The following SLC30A9 variants were observed in gnomAD, a reference collection of about 807,000 sequenced individuals.
SLC30A9 encodes solute carrier family 30 member 9.
SLC30A9 carries 58 observed loss-of-function variants against 87.5 expected under a neutral mutation model. The ratio of observed to expected loss-of-function variants is 0.66; its 90% CI spans 0.54 to 0.82. The LOEUF (loss-of-function observed/expected upper bound fraction) is 0.82, where lower values mean the gene tolerates loss of function less well. Among genes scored for constraint, SLC30A9 ranks in the 40% least tolerant of loss-of-function variants. SLC30A9 has a pLI of 0.00. For synonymous variants in SLC30A9, 234 were observed against 233.0 expected, an observed-to-expected ratio of 1.00 and a Z score of -0.04; for missense variants, 557 against 679.1, an observed-to-expected ratio of 0.82 and a Z score of 2.00.
Position 42,049,457 on chromosome 4 carries a change from C to G in SLC30A9, c.818C>G (p.Ser273Ter), listed in dbSNP as rs1297083833. The G allele has an allele frequency of 6.3e-7, 1 of 1,593,532 alleles. No individual in the cohort carries two copies. Among genetic ancestry groups the G allele is most frequent in the East Asian group, 2.3e-5 (1 of 44,292 alleles). ...AGTATGTTCTCAGAAGCTATACACT[C>G]ATTATCTGATACTTGTAATCAGGTG... ...SASMFSEAIH[S>*]LSDTCNQGLL... is the part of the protein sequence containing the mutation. Residue 273 changes from serine to a stop codon, truncating the protein, a stop_gained, in exon 9 of 18, where the codon TCA becomes TGA. Coordinates refer to ENST00000264451, the MANE Select transcript of SLC30A9 (RefSeq NM_006345.4). LOFTEE classifies it high-confidence loss of function.
At chr4:42,076,729 C>T (rs145842621) in intron 16 of SLC30A9, among the ~76,000 whole-genome samples, 5,685 of 151,976 alleles carry the variant, frequency 0.037, 138 homozygotes, top group African/African-American at 0.042. Context: ...TTTGGGAGGC[C>T]GAGGTGGGCG....
Position 42,035,333 on chromosome 4 carries a change from G to A in SLC30A9, c.669G>A (p.Lys223=). 1.2e-6 allele frequency: 2 copies of A among 1,602,686 alleles called. No individual in the cohort carries two copies. The highest frequency in any genetic ancestry group is 2.2e-5 in the East Asian group (1 of 44,544). Residue 223 remains lysine, a splice_region_variant and synonymous_variant, in exon 7 of 18, where the codon AAG becomes AAA. Coordinates refer to ENST00000264451, the MANE Select transcript of SLC30A9 (RefSeq NM_006345.4). ...ACAGAGATTTCTTGGGAAATACCAAGGTATGGATATCTTTGTAATAATGTG... is the reference window on the plus strand; with the variant it reads ...ACAGAGATTTCTTGGGAAATACCAAAGTATGGATATCTTTGTAATAATGTG... ...REYRDFLGNT[K]PRSRTASVFF... is the part of the protein sequence containing the mutation.
chr4:42,020,349 C>A (rs929251207), intron 3 of SLC30A9, 67 bp from the exon 4 acceptor site: 6 of 744,990 alleles, frequency 8.1e-6, no homozygotes, highest in African/African-American at 6.9e-5. Flanking sequence ...TAAGTATCAG[C>A]CTATATTCAT....
intron 8 of SLC30A9, among the ~76,000 whole-genome samples, chr4:42,041,597 A>C (rs552630733): frequency 6.6e-6 from 1 of 152,278 alleles, no homozygotes; most frequent in South Asian, 2.1e-4. Flanking sequence ...TTAGCTGGGC[A>C]TGGTGGGTGA....
intron 2 of SLC30A9, among the ~76,000 whole-genome samples, chr4:42,012,941 T>A (rs1363618672): frequency 6.6e-6 from 1 of 152,180 alleles, no homozygotes; most frequent in East Asian, 1.9e-4. Flanking sequence ...AACTTTTTTT[T>A]AATATTAAAT....
intron 4 of SLC30A9, among the ~76,000 whole-genome samples, chr4:42,022,244 C>CTTTTTTTTTTTTTTTTT (rs113214269): frequency 7.8e-6 from 1 of 128,570 alleles, no homozygotes. Context: ...TTATTTTTCA[C>CTTTTTTTTTTTTTTTTT]TTTTTTTTTT....
At chr4:42,051,723 A>C (rs1213098558) in intron 9 of SLC30A9, among the ~76,000 whole-genome samples, 1 of 152,140 alleles carries the variant, frequency 6.6e-6, no homozygotes, top group East Asian at 1.9e-4. Context: ...AAAAAGATTG[A>C]AAAAAATGGA....
chr4:42,046,695 T>C (rs936007909), intron 8 of SLC30A9, among the ~76,000 whole-genome samples: 2 of 152,192 alleles, frequency 1.3e-5, no homozygotes, highest in African/African-American at 4.8e-5. Flanking sequence ...CCCATCAAGC[T>C]ACCATTGACT....
chr4:42,011,014 G>T (rs527447341), intron 2 of SLC30A9, among the ~76,000 whole-genome samples: 1 of 152,310 alleles, frequency 6.6e-6, no homozygotes, highest in Non-Finnish European at 1.5e-5. Context: ...GCTAATTCCA[G>T]TTGCTACCTG....
chr4:42,058,420 A>G (rs1717712783), intron 9 of SLC30A9, among the ~76,000 whole-genome samples: 1 of 152,134 alleles, frequency 6.6e-6, no homozygotes, highest in African/African-American at 2.4e-5. Context: ...AAACTTTCTC[A>G]CATTTTCCTA....
intron 6 of SLC30A9, among the ~76,000 whole-genome samples, chr4:42,032,808 A>G (rs1441575375): frequency 6.6e-6 from 1 of 152,236 alleles, no homozygotes; most frequent in Non-Finnish European, 1.5e-5. Flanking sequence ...TTCAGGAATA[A>G]TATGTTTCAG....
At position 42,022,877 on chromosome 4, in the gene SLC30A9, C is replaced by T. The variant is rs1452574973; in HGVS notation, c.474C>T (p.Pro158=). 1.2e-6 allele frequency: 2 copies of T among 1,601,352 alleles called. No homozygotes were observed. Among genetic ancestry groups the T allele is most frequent in the Non-Finnish European group, 1.7e-6 (2 of 1,172,346 alleles). ...EQLRKIRRRS[P]HEDTESFTVY... ...TTCGAAAAATCAGACGACGAAGTCC[C>T]CATGAAGATACTGAGTCTTTTACTG... Residue 158 remains proline, a synonymous_variant, in exon 5 of 18, where the codon CCC becomes CCT. Coordinates refer to ENST00000264451, the MANE Select transcript of SLC30A9 (RefSeq NM_006345.4).
intron 8 of SLC30A9, among the ~76,000 whole-genome samples, chr4:42,047,312 A>G (rs1717201483): frequency 6.6e-6 from 1 of 152,212 alleles, no homozygotes; most frequent in African/African-American, 2.4e-5. Flanking sequence ...AATGGGAGAA[A>G]ATTTTTGCAA....
At chr4:42,081,984 G>C (rs1336063628) in intron 17 of SLC30A9, among the ~76,000 whole-genome samples, 1 of 151,930 alleles carries the variant, frequency 6.6e-6, no homozygotes, top group African/African-American at 2.4e-5. Flanking sequence ...TTGGGAGGCC[G>C]AGGCGGGTGG....
At chr4:42,073,588 A>G (rs1158200558) in intron 15 of SLC30A9, among the ~76,000 whole-genome samples, 5 of 152,198 alleles carry the variant, frequency 3.3e-5, no homozygotes, top group Non-Finnish European at 7.3e-5. Flanking sequence ...AGGGTTTCTC[A>G]TAGACTGTAA....
intron 1 of SLC30A9, among the ~76,000 whole-genome samples, chr4:41,994,857 ACTGT>A (rs1280304446): frequency 7.0e-6 from 1 of 143,548 alleles, no homozygotes; most frequent in African/African-American, 2.5e-5. Context: ...GACCATTTAG[ACTGT>A]CAATGCTCTT....
intron 1 of SLC30A9, among the ~76,000 whole-genome samples, chr4:41,998,212 T>C (rs1346772450): frequency 6.6e-6 from 1 of 152,074 alleles, no homozygotes; most frequent in Non-Finnish European, 1.5e-5. Context: ...GAGAGTAAAA[T>C]AAAGACGGAG....
At chr4:42,054,141 G>A (rs1319949180) in intron 9 of SLC30A9, among the ~76,000 whole-genome samples, 2 of 152,112 alleles carry the variant, frequency 1.3e-5, no homozygotes, top group Admixed American at 6.5e-5. Flanking sequence ...GATCACTGGA[G>A]GTCAGGAGTT....
chr4:42,023,003 G>T, intron 5 of SLC30A9, 73 bp downstream of exon 5: 1 of 857,700 alleles, frequency 1.2e-6, no homozygotes, highest in African/African-American at 1.7e-5. Flanking sequence ...TTTAGACAGA[G>T]TCAGAATTTT....
Sources: gnomAD v4.1 joint callset for allele counts (sites outside exome capture counted in the v4.1 genomes callset) on GRCh38, gnomAD v4.1.1 for gene constraint, MANE v1.5 for transcripts, NCBI Gene and HGNC (gene_info 2026-07-23, HGNC 2026-07-21) for gene names.